Variants in NMUR2 observed in about 807,000 individuals in gnomAD.
NMUR2 encodes neuromedin U receptor 2.
Under a neutral mutation model 25.1 loss-of-function variants are expected in NMUR2, and 24 were observed. That is an observed-to-expected ratio of 0.96 (90% CI 0.69 to 1.34). The LOEUF is 1.34. Ranked by LOEUF, NMUR2 falls within the 40% of genes most tolerant of loss-of-function variation. NMUR2 has a pLI of 0.00. For synonymous variants in NMUR2, 218 were observed against 208.1 expected, an observed-to-expected ratio of 1.05 and a Z score of -0.41; for missense variants, 533 against 512.8, an observed-to-expected ratio of 1.04 and a Z score of -0.38.
intron 3 of NMUR2, among the ~76,000 whole-genome samples, chr5:152,394,807 G>A (rs574944979): frequency 6.8e-6 from 1 of 147,108 alleles, no homozygotes; most frequent in East Asian, 2.0e-4. Flanking sequence ...TATTGCATTT[G>A]CTCCTTACCA....
Position 152,400,168 on chromosome 5 carries a change from T to C in NMUR2, c.727-2024A>G, listed in dbSNP as rs1188577635. Reference sequence around the variant, plus strand: ...CCACATAGGACCTCAAGAATCCTCTTGGATAATGTATAAACCTGGCCATTT... The same window carrying C: ...CCACATAGGACCTCAAGAATCCTCTCGGATAATGTATAAACCTGGCCATTT... On this transcript the variant is annotated intron_variant, in intron 1 of 3. Transcript: ENST00000255262. Among the ~76,000 whole-genome samples the C allele has an allele frequency of 3.3e-5, 5 of 152,288 alleles. No individual in the cohort carries two copies. The East Asian group carries it at 5.8e-4, about 18-fold the overall frequency.
At chr5:152,404,356 C>A in intron 1 of NMUR2, 32 bp downstream of exon 1, 1 of 1,550,114 alleles carries the variant, frequency 6.5e-7, no homozygotes, top group Non-Finnish European at 8.7e-7. Flanking sequence ...AGAAGGGATG[C>A]TGCCTCAGGC....
chr5:152,404,958 A>AT lies in NMUR2; in HGVS notation c.155dup (p.Tyr52Ter). ...TGACCCCCACCACAAAAATTGGCAC[A>AT]TACACCACAGACACGGGGAGGAAGA... ...SHFFLPVSVVYVPIFVVGVIG... is the reference protein window; with the variant it reads ...SHFFLPVSVV Residue 52 changes from tyrosine to a stop codon, truncating the protein, a stop_gained and frameshift_variant, in exon 1 of 4, where the codon TAT becomes TAAT. Coordinates refer to ENST00000255262, the MANE Select transcript of NMUR2 (RefSeq NM_020167.5). LOFTEE classifies it high-confidence loss of function. 6.2e-7 allele frequency: 1 copy of AT among 1,614,062 alleles called. No individual in the cohort carries two copies. The highest frequency in any genetic ancestry group is 8.5e-7 in the Non-Finnish European group (1 of 1,180,004).
In NMUR2 at chr5:152,392,225, G is replaced by T. The variant is rs1753071656; in HGVS notation, c.1214C>A (p.Thr405Lys). ...AALSSEQMSR[T>K]NYQSFHFNKT Reference sequence around the variant, plus strand: ...GTTAAAGTGGAAGCTTTGATAGTTTGTTCTTGACATCTGTTCACTAGAGAG... The same window carrying T: ...GTTAAAGTGGAAGCTTTGATAGTTTTTTCTTGACATCTGTTCACTAGAGAG... The change falls in exon 4 of 4, where the codon ACA becomes AAA. Residue 405 changes from threonine (T) to lysine (K), a missense_variant. Thr to Lys is a moderately conservative substitution (Grantham distance 78). Coordinates refer to ENST00000255262, the MANE Select transcript of NMUR2 (RefSeq NM_020167.5). 2 of 1,613,318 alleles carry T rather than the reference G, an allele frequency of 1.2e-6. No homozygotes were observed. Among genetic ancestry groups the T allele is most frequent in the Admixed American group, 1.7e-5 (1 of 59,954 alleles).
chr5:152,398,276 C>A lies in NMUR2; in HGVS notation c.727-132G>T, dbSNP rs41290591. On this transcript the variant is annotated intron_variant, in intron 1 of 3. Coordinates refer to ENST00000255262, the MANE Select transcript of NMUR2 (RefSeq NM_020167.5). ...TGAGACCTAGAGAAATGTAAGACTACGTCAAATGTTTAACAGTATGTTGAA... is the reference window on the plus strand; with the variant it reads ...TGAGACCTAGAGAAATGTAAGACTAAGTCAAATGTTTAACAGTATGTTGAA... The A allele has an allele frequency of 4.9e-4, 317 of 643,120 alleles. No individual in the cohort carries two copies. In the African/African-American group the frequency reaches 5.2e-3, roughly 11 times the overall value. The allele number at this position is 643,120 out of a possible 1,614,324, so 39.8% of individuals were successfully genotyped here.
rs544907651 is a variant in NMUR2 at position 152,405,275 on chromosome 5, A to G, written c.-162T>C. The stretch of plus-strand genomic sequence containing the variant: ...GGAGAGAGTGAGTGTTTCACCCTCC[A>G]GGTTAGGCTGCCTGGACCGCCGATC... On this transcript the variant is annotated 5_prime_UTR_variant, in exon 1 of 4. Transcript: ENST00000255262. 3.0e-4 allele frequency: 244 copies of G among 808,164 alleles called. 1 individual carries two copies. The African/African-American group carries it at 3.9e-3, about 13-fold the overall frequency. 50.1% of individuals were successfully genotyped at this position (808,164 alleles called of 1,614,324 possible). A position where few individuals can be genotyped will look rare whatever the true frequency, so the allele number is the denominator to read the frequency against.
In NMUR2 at chr5:152,398,064, C is replaced by A. The variant is rs970290833; in HGVS notation, c.807G>T (p.Met269Ile). The A allele has an allele frequency of 1.2e-6, 2 of 1,611,738 alleles. No individual in the cohort carries two copies. Among genetic ancestry groups the A allele is most frequent in the Admixed American group, 1.7e-5 (1 of 59,940 alleles). Residue 269 changes from methionine (M) to isoleucine (I), a missense_variant, in exon 2 of 4, where the codon ATG becomes ATT. By Grantham distance (10) the Met-to-Ile change is conservative (BLOSUM62 1). Transcript: ENST00000255262. Reference protein sequence around the residue: ...QRPCRKSVNKMLFVLVLVFAI... With the variant: ...QRPCRKSVNKILFVLVLVFAI... ...AAAACAAAATGGGGCACTTACACAG[C>A]ATCTTGTTGACTGATTTTCTGCAGG...
At position 152,404,714 on chromosome 5, in the gene NMUR2, T is replaced by G; in HGVS notation, c.400A>C (p.Ile134Leu). ...ACGCTGACGGTGGTGATGCTGAGGA[T>G]GGAGGCGAAGCACACGGTCTCAAAG... ...ALFETVCFAS[I>L]LSITTVSVER... Residue 134 changes from isoleucine to leucine, a missense_variant, in exon 1 of 4, where the codon ATC becomes CTC. Physicochemically the swap from Ile to Leu is conservative, Grantham distance 5 (BLOSUM62 2). Coordinates refer to ENST00000255262, the MANE Select transcript of NMUR2 (RefSeq NM_020167.5). 1 of 1,614,068 alleles carries G rather than the reference T, an allele frequency of 6.2e-7. No individual in the cohort carries two copies. Among genetic ancestry groups the G allele is most frequent in the Non-Finnish European group, 8.5e-7 (1 of 1,180,018 alleles).
chr5:152,400,321 A>G (rs1753231403), intron 1 of NMUR2, among the ~76,000 whole-genome samples: 1 of 152,234 alleles, frequency 6.6e-6, no homozygotes, highest in African/African-American at 2.4e-5. Flanking sequence ...ATGCAATAGT[A>G]AAACAAAATC....
chr5:152,404,478 G>T lies in NMUR2; in HGVS notation c.636C>A (p.Ile212=), dbSNP rs1011768346. The part of the protein sequence containing the change: ...ATCTVIKPMW[I]YNFIIQVTSF... ...AGGTGACCTGGATGATGAAATTGTA[G>T]ATCCACATGGGCTTGATGACCGTAC... The change falls in exon 1 of 4, where the codon ATC becomes ATA. Residue 212 remains isoleucine (I), a synonymous_variant. Coordinates refer to ENST00000255262, the MANE Select transcript of NMUR2 (RefSeq NM_020167.5). 5.0e-6 allele frequency: 8 copies of T among 1,614,030 alleles called. No individual in the cohort carries two copies. Among genetic ancestry groups the T allele is most frequent in the Middle Eastern group, 1.6e-4 (1 of 6,084 alleles).
At position 152,403,736 on chromosome 5, in the gene NMUR2, G is replaced by A. The variant is rs528791884; in HGVS notation, c.726+652C>T. On this transcript the variant is annotated intron_variant, in intron 1 of 3. Transcript: ENST00000255262. ...ATATATAACTATATATTATATATAT[G>A]ACTATATATTATATATGTAACTATA... Among the ~76,000 whole-genome samples the A allele has an allele frequency of 3.4e-5, 5 of 146,728 alleles. No individual in the cohort carries two copies. The South Asian group carries it at 1.1e-3, about 31-fold the overall frequency.
intron 2 of NMUR2, 75 bp from the exon 3 acceptor site, chr5:152,395,659 A>C: frequency 6.6e-7 from 1 of 1,522,086 alleles, no homozygotes; most frequent in Admixed American, 2.0e-5. Context: ...ACTCTGAGTC[A>C]ATCATTTCTT....
chr5:152,400,921 T>TA (rs1417392609), intron 1 of NMUR2, among the ~76,000 whole-genome samples: 4 of 152,350 alleles, frequency 2.6e-5, no homozygotes, highest in Non-Finnish European at 4.4e-5. Context: ...CAGCATAGTT[T>TA]ACACTAAAAA....
In NMUR2 at chr5:152,392,232, A is replaced by T; in HGVS notation, c.1207T>A (p.Ser403Thr). 1 of 1,613,666 alleles carries T rather than the reference A, an allele frequency of 6.2e-7. No individual in the cohort carries two copies. The highest frequency in any genetic ancestry group is 2.2e-5 in the East Asian group (1 of 44,882). The change falls in exon 4 of 4, where the codon TCA (serine) becomes ACA (threonine). Residue 403 changes from serine (S) to threonine (T), a missense_variant. Ser to Thr is a moderately conservative substitution (Grantham distance 58). Coordinates refer to ENST00000255262, the MANE Select transcript of NMUR2 (RefSeq NM_020167.5). ...LPAALSSEQM[S>T]RTNYQSFHFN... ...TGGAAGCTTTGATAGTTTGTTCTTG[A>T]CATCTGTTCACTAGAGAGGGCTGCT...
chr5:152,403,921 C>G (rs1031485211), intron 1 of NMUR2, among the ~76,000 whole-genome samples: 4 of 152,014 alleles, frequency 2.6e-5, no homozygotes, highest in African/African-American at 9.7e-5. Context: ...AGTTGGTGTA[C>G]AGGAAAATCT....
In NMUR2 at chr5:152,404,525, G is replaced by A. The variant is rs2113105006; in HGVS notation, c.589C>T (p.Leu197=). ...GTACAGGTGGCCGAACCTGGGACCA[G>A]GGACCCATTGGGGAAGTAGTGGAAC... is the stretch of plus-strand genomic sequence containing the variant. ...IKFHYFPNGS[L]VPGSATCTVI... The change falls in exon 1 of 4, where the codon CTG becomes TTG. Residue 197 remains leucine (L), a synonymous_variant. Transcript: ENST00000255262. The A allele has an allele frequency of 6.2e-7, 1 of 1,614,136 alleles. No homozygotes were observed.
In NMUR2 at chr5:152,405,183, AAAAG is replaced by A; in HGVS notation, c.-74_-71del. ...AAGCTGAGCCAGGAAAAAAAAAAAA[AAAAG>A]AAAAAAGGAAAACAAAAAAGAGAAA... On this transcript the variant is annotated 5_prime_UTR_variant, in exon 1 of 4. Transcript: ENST00000255262. The A allele has an allele frequency of 6.7e-7, 1 of 1,492,182 alleles. No individual in the cohort carries two copies. The highest frequency in any genetic ancestry group is 8.9e-7 in the Non-Finnish European group (1 of 1,119,024). 92.4% of individuals were successfully genotyped at this position (1,492,182 alleles called of 1,614,324 possible). A position where few individuals can be genotyped will look rare whatever the true frequency, so the allele number is the denominator to read the frequency against.
chr5:152,404,296 T>C, intron 1 of NMUR2, 92 bp downstream of exon 1: 8 of 1,448,068 alleles, frequency 5.5e-6, no homozygotes, highest in Non-Finnish European at 6.5e-6. Context: ...CTTCCATTTC[T>C]GAATTTCCCC....
intron 1 of NMUR2, among the ~76,000 whole-genome samples, chr5:152,400,912 A>G (rs1753240414): frequency 6.6e-6 from 1 of 152,240 alleles, no homozygotes; most frequent in Admixed American, 6.5e-5. Flanking sequence ...TTCCTGTAGC[A>G]GCATAGTTTA....
Sources: allele counts gnomAD v4.1 joint callset (sites outside exome capture counted in the v4.1 genomes callset), GRCh38; gene constraint gnomAD v4.1.1; transcripts MANE v1.5; gene names NCBI Gene and HGNC (gene_info 2026-07-23, HGNC 2026-07-21).